The following THSD7B variants were observed in gnomAD, a reference collection of about 807,000 sequenced individuals.
THSD7B encodes the protein thrombospondin type-1 domain-containing protein 7B.
In THSD7B, 138 loss-of-function variants were observed where a neutral mutation model predicts 213.6. The ratio of observed to expected loss-of-function variants is 0.65; its 90% CI spans 0.56 to 0.74. The LOEUF is 0.74. THSD7B is among the 30% of genes least tolerant of loss of function. THSD7B has a pLI of 0.00. For synonymous variants in THSD7B, 742 were observed against 687.0 expected, an observed-to-expected ratio of 1.08 and a Z score of -1.25; for missense variants, 1,931 against 1,991.5, an observed-to-expected ratio of 0.97 and a Z score of 0.58.
intron 10 of THSD7B, among the ~76,000 whole-genome samples, chr2:137,252,381 A>G (rs868196178): frequency 3.3e-5 from 5 of 151,876 alleles, no homozygotes; most frequent in Admixed American, 6.6e-5. Context: ...GATGGGAGCT[A>G]TAAATGCTGG....
intron 18 of THSD7B, 140 bp downstream of exon 18, chr2:137,616,456 G>C (rs528846581): frequency 1.5e-6 from 1 of 665,578 alleles, no homozygotes; most frequent in African/African-American, 1.8e-5. Flanking sequence ...AGGACTTCAT[G>C]TTTCTAGTAT....
At chr2:137,360,272 C>T (rs1176526318) in intron 12 of THSD7B, among the ~76,000 whole-genome samples, 1 of 152,120 alleles carries the variant, frequency 6.6e-6, no homozygotes, top group Non-Finnish European at 1.5e-5. Flanking sequence ...ATAGGAACAG[C>T]TCGGGTCTGC....
intron 5 of THSD7B, among the ~76,000 whole-genome samples, chr2:137,131,003 A>T (rs937267145): frequency 6.6e-6 from 1 of 150,616 alleles, no homozygotes; most frequent in African/African-American, 2.4e-5. Flanking sequence ...CAACAGTGTA[A>T]AAGTGTTCCT....
At chr2:136,861,114 G>A (rs1477298220) in intron 1 of THSD7B, among the ~76,000 whole-genome samples, 1 of 152,230 alleles carries the variant, frequency 6.6e-6, no homozygotes, top group Admixed American at 6.5e-5. Context: ...TACCTTGAAT[G>A]AGGATATGGG....
At chr2:137,498,108 A>G (rs1265542750) in intron 15 of THSD7B, among the ~76,000 whole-genome samples, 2 of 152,182 alleles carry the variant, frequency 1.3e-5, no homozygotes, top group East Asian at 3.9e-4. Flanking sequence ...ATGGTACTAC[A>G]ACAGCTAATA....
intron 15 of THSD7B, among the ~76,000 whole-genome samples, chr2:137,537,045 A>G (rs2105187117): frequency 6.6e-6 from 1 of 151,898 alleles, no homozygotes; most frequent in South Asian, 2.1e-4. Flanking sequence ...TTCTGGACAA[A>G]CCAAAATGCG....
chr2:137,263,383 G>A (rs1421346089), intron 10 of THSD7B, among the ~76,000 whole-genome samples: 3 of 151,920 alleles, frequency 2.0e-5, no homozygotes, highest in African/African-American at 7.3e-5. Context: ...TACCCACATA[G>A]GACAAGTAAG....
intron 2 of THSD7B, among the ~76,000 whole-genome samples, chr2:137,025,364 T>A (rs1423961279): frequency 6.6e-6 from 1 of 152,192 alleles, no homozygotes; most frequent in Non-Finnish European, 1.5e-5. Flanking sequence ...TCTCTGATCT[T>A]CCTATTTCAG....
rs184772752 is a variant in THSD7B at position 137,450,707 on chromosome 2, G to A, written c.2960-138G>A. The A allele has an allele frequency of 2.1e-4, 131 of 635,460 alleles. 1 individual carries two copies. The African/African-American group carries it at 2.2e-3, about 11-fold the overall frequency. 39.4% of individuals were successfully genotyped at this position (635,460 alleles called of 1,614,324 possible). On this transcript the variant is annotated intron_variant, in intron 14 of 27. Transcript: ENST00000409968. ...TATTTATTTCTTAAAATTTTGGTCT[G>A]TTTATCTGAGAACAAAATTATTGAA...
At chr2:137,029,940 G>A (rs1371776687) in intron 2 of THSD7B, among the ~76,000 whole-genome samples, 1 of 152,140 alleles carries the variant, frequency 6.6e-6, no homozygotes, top group Non-Finnish European at 1.5e-5. Context: ...GAAGAGGTAT[G>A]TCTTCATTCA....
At chr2:137,206,181 A>G (rs1372797363) in intron 7 of THSD7B, among the ~76,000 whole-genome samples, 1 of 151,942 alleles carries the variant, frequency 6.6e-6, no homozygotes, top group Admixed American at 6.6e-5. Context: ...GCATGTAGTC[A>G]TCTTACAACT....
chr2:137,215,013 C>T (rs1681204454), intron 7 of THSD7B, among the ~76,000 whole-genome samples: 3 of 152,180 alleles, frequency 2.0e-5, no homozygotes, highest in Admixed American at 2.0e-4. Flanking sequence ...CCTACACTGT[C>T]TTCCACAATG....
chr2:136,822,045 T>G (rs1169431167), intron 1 of THSD7B, among the ~76,000 whole-genome samples: 1 of 152,086 alleles, frequency 6.6e-6, no homozygotes, highest in Non-Finnish European at 1.5e-5. Flanking sequence ...TTCAAGCCCC[T>G]CTGAAGAGGG....
chr2:137,414,056 T>C (rs1451953040), intron 14 of THSD7B, among the ~76,000 whole-genome samples: 2 of 151,536 alleles, frequency 1.3e-5, no homozygotes, highest in African/African-American at 2.4e-5. Flanking sequence ...GTGGAGGGTT[T>C]TTTAATTTAG....
At chr2:136,891,344 A>G (rs1346735) in intron 2 of THSD7B, among the ~76,000 whole-genome samples, 82,993 of 152,050 alleles carry the variant, frequency 0.55, 24,092 homozygotes, top group Non-Finnish European at 0.63. Flanking sequence ...CTGATTCAAC[A>G]TTCCATGTAC....
chr2:137,674,895 T>TTAAC (rs1683662425), intron 27 of THSD7B, among the ~76,000 whole-genome samples: 1 of 152,196 alleles, frequency 6.6e-6, no homozygotes, highest in South Asian at 2.1e-4. Flanking sequence ...ATTTATTTCT[T>TTAAC]TAACTTGTAT....
chr2:137,074,750 T>C (rs1687580497), intron 3 of THSD7B, among the ~76,000 whole-genome samples: 1 of 152,216 alleles, frequency 6.6e-6, no homozygotes, highest in Non-Finnish European at 1.5e-5. Flanking sequence ...TGTTTAGTGC[T>C]TCCTTCAGGA....
At chr2:137,404,036 G>T (rs767684293) in intron 12 of THSD7B, among the ~76,000 whole-genome samples, 1 of 152,146 alleles carries the variant, frequency 6.6e-6, no homozygotes, top group East Asian at 1.9e-4. Flanking sequence ...GAGTGAAAAA[G>T]ATGAACCAAA....
chr2:137,224,808 T>C (rs1257652520), intron 7 of THSD7B, among the ~76,000 whole-genome samples: 1 of 143,054 alleles, frequency 7.0e-6, no homozygotes, highest in African/African-American at 2.6e-5. Flanking sequence ...ATTATATTAT[T>C]GTATGTTGAA....
Sources: gnomAD v4.1 joint callset for allele counts (sites outside exome capture counted in the v4.1 genomes callset) on GRCh38, gnomAD v4.1.1 for gene constraint, MANE v1.5 for transcripts, NCBI Gene and HGNC (gene_info 2026-07-23, HGNC 2026-07-21) for gene names.